The following CLIP2 variants were observed in gnomAD, a reference collection of about 807,000 sequenced individuals.
CLIP2 encodes CAP-Gly domain containing linker protein 2.
Under a neutral mutation model 111.7 loss-of-function variants are expected in CLIP2, and 41 were observed. The observed-to-expected ratio is 0.37, with a 90% confidence interval of 0.29 to 0.48. The LOEUF (loss-of-function observed/expected upper bound fraction) is 0.48, where lower values mean the gene tolerates loss of function less well. Ranked by LOEUF, CLIP2 falls within the 20% of genes least tolerant of loss-of-function variation. The pLI is 0.99. For missense variants in CLIP2, 1,160 were observed against 1,422.1 expected (o/e 0.82, Z 2.96); for synonymous variants, 660 against 644.2 (o/e 1.02, Z -0.37).
intron 7 of CLIP2, among the ~76,000 whole-genome samples, chr7:74,363,212 G>T (rs1790382253): frequency 6.6e-6 from 1 of 152,098 alleles, no homozygotes; most frequent in South Asian, 2.1e-4. Flanking sequence ...ATGTTGGTCA[G>T]GCTGGTCTCA....
intron 1 of CLIP2, among the ~76,000 whole-genome samples, chr7:74,312,879 G>A (rs781788048): frequency 3.3e-5 from 5 of 152,154 alleles, no homozygotes; most frequent in African/African-American, 9.7e-5. Flanking sequence ...TCCTTCACTC[G>A]GATGTGCCAG....
At chr7:74,334,371 C>T (rs1214837562) in intron 2 of CLIP2, among the ~76,000 whole-genome samples, 3 of 151,964 alleles carry the variant, frequency 2.0e-5, no homozygotes, top group African/African-American at 7.3e-5. Flanking sequence ...GGTCCCTGGG[C>T]CTGTGACCCC....
At chr7:74,359,304 C>CT (rs781818730) in intron 6 of CLIP2, among the ~76,000 whole-genome samples, 1,901 of 120,322 alleles carry the variant, frequency 0.016, 35 homozygotes, top group African/African-American at 0.044. Flanking sequence ...CTGCAGTAAA[C>CT]TTTTTTTTTT....
intron 9 of CLIP2, among the ~76,000 whole-genome samples, chr7:74,375,320 G>A (rs782602448): frequency 9.2e-5 from 14 of 151,570 alleles, no homozygotes; most frequent in Non-Finnish European, 1.3e-4. Flanking sequence ...ACGCCAGGGC[G>A]GGTGGATCAC....
intron 5 of CLIP2, among the ~76,000 whole-genome samples, chr7:74,356,940 C>T (rs1790164609): frequency 6.6e-6 from 1 of 152,104 alleles, no homozygotes; most frequent in African/African-American, 2.4e-5. Context: ...TGCTTGGTGG[C>T]TATGGGCAGA....
chr7:74,341,586 GCTTTT>G (rs782364136), intron 3 of CLIP2, among the ~76,000 whole-genome samples: 5 of 150,892 alleles, frequency 3.3e-5, no homozygotes, highest in Non-Finnish European at 7.4e-5. Context: ...TGAGGGCTCT[GCTTTT>G]CTTTTCTTTT....
chr7:74,356,462 A>T lies in CLIP2; in HGVS notation c.856A>T (p.Ile286Phe). The stretch of plus-strand genomic sequence containing the variant: ...TCTCTTCGCGCCCATCCACAAAGTG[A>T]TCCGTATCGGCTTCCCATCTACCAG... ...FGLFAPIHKV[I>F]RIGFPSTSPA... is the part of the protein sequence containing the mutation. The change falls in exon 5 of 17, where the codon ATC becomes TTC. Residue 286 changes from isoleucine (I) to phenylalanine (F), a missense_variant. Coordinates refer to ENST00000223398, the MANE Select transcript of CLIP2 (RefSeq NM_003388.5). 1 of 1,614,218 alleles carries T rather than the reference A, an allele frequency of 6.2e-7. No individual in the cohort carries two copies. The highest frequency in any genetic ancestry group is 8.5e-7 in the Non-Finnish European group (1 of 1,180,046).
intron 2 of CLIP2, among the ~76,000 whole-genome samples, chr7:74,331,562 CTTTTTTTTTTTTT>C (rs1213774851): frequency 1.7e-5 from 2 of 120,662 alleles, no homozygotes; most frequent in Admixed American, 9.0e-5. Flanking sequence ...TTCTTTCTTT[CTTTTTTTTTTTTT>C]TTTTTTTTTT....
At chr7:74,342,259 C>T (rs1192978344) in intron 3 of CLIP2, among the ~76,000 whole-genome samples, 1 of 151,978 alleles carries the variant, frequency 6.6e-6, no homozygotes, top group Non-Finnish European at 1.5e-5. Flanking sequence ...GCCTGTAGTC[C>T]GAGCTACTCG....
chr7:74,355,691 G>A (rs782429656), intron 4 of CLIP2, among the ~76,000 whole-genome samples: 9 of 152,224 alleles, frequency 5.9e-5, no homozygotes, highest in African/African-American at 1.2e-4. Flanking sequence ...GACAGAAGAC[G>A]AGAATCCAGG....
intron 16 of CLIP2, among the ~76,000 whole-genome samples, chr7:74,401,976 A>T (rs556884591): frequency 9.3e-4 from 142 of 151,962 alleles, no homozygotes; most frequent in African/African-American, 2.7e-3. Flanking sequence ...AAAAAATTTT[A>T]AAAAGGCTGG....
At chr7:74,306,875 C>T (rs943985885) in intron 1 of CLIP2, among the ~76,000 whole-genome samples, 5 of 152,330 alleles carry the variant, frequency 3.3e-5, no homozygotes, top group African/African-American at 1.2e-4. Context: ...GCCAAGGGCT[C>T]ACAGCCACTC....
chr7:74,348,830 CA>C (rs1436415642), intron 3 of CLIP2, among the ~76,000 whole-genome samples: 1 of 148,296 alleles, frequency 6.7e-6, no homozygotes, highest in Non-Finnish European at 1.5e-5. Flanking sequence ...CAAGAGAATT[CA>C]AAACAGATGT....
chr7:74,333,330 C>T (rs1448103391), intron 2 of CLIP2, among the ~76,000 whole-genome samples: 1 of 151,746 alleles, frequency 6.6e-6, no homozygotes, highest in Non-Finnish European at 1.5e-5. Flanking sequence ...ATCACAGGCA[C>T]CTGCCACCAC....
intron 12 of CLIP2, 145 bp downstream of exon 12, chr7:74,386,749 G>A (rs13223664): frequency 1.5e-5 from 8 of 547,598 alleles, no homozygotes; most frequent in Middle Eastern, 4.8e-4. Flanking sequence ...CTGGCTGGTC[G>A]CGGTGGCTCG....
Position 74,302,282 on chromosome 7 carries a change from A to T in CLIP2, c.-68+12548A>T, listed in dbSNP as rs1788362227. On this transcript the variant is annotated intron_variant, in intron 1 of 16. Transcript: ENST00000223398. ...CCAGGCTGGAGTGCAATGGCGCGAT[A>T]TCAGCTCACTGCAACCTCCGCCTCC... is the stretch of plus-strand genomic sequence containing the variant. 2.6e-5 allele frequency among the ~76,000 whole-genome samples: 4 copies of T among 151,274 alleles called. No homozygotes were observed. The South Asian group carries it at 8.4e-4, about 32-fold the overall frequency.
At chr7:74,355,188 A>G (rs1383127774) in intron 4 of CLIP2, among the ~76,000 whole-genome samples, 1 of 152,174 alleles carries the variant, frequency 6.6e-6, no homozygotes, top group African/African-American at 2.4e-5. Context: ...AGGCCTCGAA[A>G]GAAGGTAGGG....
At position 74,345,794 on chromosome 7, in the gene CLIP2, T is replaced by G. The variant is rs543074937; in HGVS notation, c.678+6790T>G. 2.6e-5 allele frequency among the ~76,000 whole-genome samples: 4 copies of G among 151,624 alleles called. No individual in the cohort carries two copies. In the East Asian group the frequency reaches 7.9e-4, roughly 30 times the overall value. ...CCCGGGAGGCGGAGGTTGCAATGAG[T>G]TGAGATCCTGCCATTGCACTCCAGC... On this transcript the variant is annotated intron_variant, in intron 3 of 16. Transcript: ENST00000223398.
intron 1 of CLIP2, among the ~76,000 whole-genome samples, chr7:74,311,936 A>G (rs1253760702): frequency 6.7e-6 from 1 of 150,062 alleles, no homozygotes; most frequent in Non-Finnish European, 1.5e-5. Context: ...AAAAAAAGAA[A>G]GAAAGAAAAA....
Sources: allele counts gnomAD v4.1 joint callset (sites outside exome capture counted in the v4.1 genomes callset), GRCh38; gene constraint gnomAD v4.1.1; transcripts MANE v1.5; gene names NCBI Gene and HGNC (gene_info 2026-07-23, HGNC 2026-07-21).